Variants in KLHL18 observed in about 807,000 individuals in gnomAD.
KLHL18 encodes the protein kelch-like protein 18.
KLHL18 carries 38 observed loss-of-function variants against 58.5 expected under a neutral mutation model. The ratio of observed to expected loss-of-function variants is 0.65; its 90% CI spans 0.50 to 0.85. The LOEUF (loss-of-function observed/expected upper bound fraction) is 0.85. KLHL18 is among the 40% of genes least tolerant of loss of function. The pLI is 0.00. For synonymous variants in KLHL18, 303 were observed against 301.9 expected, an observed-to-expected ratio of 1.00 and a Z score of -0.04; for missense variants, 624 against 778.4, an observed-to-expected ratio of 0.80 and a Z score of 2.36.
chr3:47,333,227 T>G lies in KLHL18; in HGVS notation c.671T>G (p.Leu224Arg). 2 of 1,614,182 alleles carry G rather than the reference T, an allele frequency of 1.2e-6. No homozygotes were observed. Among genetic ancestry groups the G allele is most frequent in the Non-Finnish European group, 1.7e-6 (2 of 1,180,024 alleles). Residue 224 changes from leucine (L) to arginine (R), a missense_variant, in exon 5 of 10, where the codon CTG becomes CGG. Transcript: ENST00000232766. ...EQRGPYLPEL[L>R]SNIRLPLCRP... ...AGGGGTCCCTACCTGCCTGAGCTGC[T>G]GTCCAATATCCGCCTGCCCCTCTGT...
At position 47,282,979 on chromosome 3, in the gene KLHL18, G is replaced by A. The variant is rs1234374618; in HGVS notation, c.14G>A (p.Gly5Asp). The change falls in exon 1 of 10, where the codon GGC (glycine) becomes GAC (aspartate). Residue 5 changes from glycine (G) to aspartate (D), a missense_variant. Coordinates refer to ENST00000232766, the MANE Select transcript of KLHL18 (RefSeq NM_025010.5). ...CGGCCGGGGAAGATGGTGGAGGACG[G>A]CGCGGAGGAGCTGGAGGATCTGGTG... MVED[G>D]AEELEDLVHF... 6.2e-7 allele frequency: 1 copy of A among 1,610,740 alleles called. No homozygotes were observed. Among genetic ancestry groups the A allele is most frequent in the Non-Finnish European group, 8.5e-7 (1 of 1,178,832 alleles).
chr3:47,336,908 G>A, intron 7 of KLHL18, 151 bp downstream of exon 7: 1 of 646,354 alleles, frequency 1.5e-6, no homozygotes, highest in Admixed American at 2.7e-5. Context: ...TACCTCCTGG[G>A]AGCGAGCCCC....
intron 1 of KLHL18, among the ~76,000 whole-genome samples, chr3:47,302,094 C>T (rs189056758): frequency 6.6e-6 from 1 of 152,294 alleles, no homozygotes; most frequent in East Asian, 1.9e-4. Context: ...AACCTTTGTG[C>T]TCAGCTTATT....
At chr3:47,284,906 C>A (rs905774695) in intron 1 of KLHL18, among the ~76,000 whole-genome samples, 1 of 151,884 alleles carries the variant, frequency 6.6e-6, no homozygotes, top group Non-Finnish European at 1.5e-5. Flanking sequence ...GCAACCTCCA[C>A]CTCCTGGCTT....
chr3:47,303,732 C>T (rs1203065884), intron 1 of KLHL18, among the ~76,000 whole-genome samples: 1 of 151,950 alleles, frequency 6.6e-6, no homozygotes, highest in Non-Finnish European at 1.5e-5. Flanking sequence ...AATTTCATTC[C>T]CTTTTTAAAT....
At chr3:47,340,454 C>A in intron 7 of KLHL18, 118 bp from the exon 8 acceptor site, 1 of 1,479,522 alleles carries the variant, frequency 6.8e-7, no homozygotes, top group South Asian at 1.2e-5. Context: ...TACTTAGTCA[C>A]ATACCTTAGA....
Position 47,330,096 on chromosome 3 carries a change from G to C in KLHL18, c.547G>C (p.Asp183His). Residue 183 changes from aspartate (D) to histidine (H), a missense_variant, in exon 4 of 10, where the codon GAC becomes CAC. Coordinates refer to ENST00000232766, the MANE Select transcript of KLHL18 (RefSeq NM_025010.5). ...AGAGTTCCTGGCCCTGCCCTTGGAA[G>C]ACGTGCTTGAGCTGGTGTCTCGGGA... is the stretch of plus-strand genomic sequence containing the variant. ...SEEFLALPLE[D>H]VLELVSRDEL... 1 of 1,614,166 alleles carries C rather than the reference G, an allele frequency of 6.2e-7. No homozygotes were observed. The highest frequency in any genetic ancestry group is 8.5e-7 in the Non-Finnish European group (1 of 1,180,036).
chr3:47,295,412 T>C (rs1702874912), intron 1 of KLHL18, among the ~76,000 whole-genome samples: 1 of 152,180 alleles, frequency 6.6e-6, no homozygotes, highest in Admixed American at 6.5e-5. Flanking sequence ...GTGTTCCCCC[T>C]CCTCTGGGCC....
intron 1 of KLHL18, among the ~76,000 whole-genome samples, chr3:47,312,729 G>A (rs1703330853): frequency 6.6e-6 from 1 of 152,080 alleles, no homozygotes; most frequent in Admixed American, 6.5e-5. Flanking sequence ...CGCCCCCTGA[G>A]AGGCTAGGTT....
chr3:47,343,425 A>C, intron 9 of KLHL18, 130 bp from the exon 10 acceptor site: 2 of 1,051,310 alleles, frequency 1.9e-6, no homozygotes, highest in Non-Finnish European at 2.8e-6. Context: ...GAATACTGGG[A>C]GAGCTCCTTG....
At chr3:47,306,478 C>T (rs1312718295) in intron 1 of KLHL18, among the ~76,000 whole-genome samples, 1 of 152,112 alleles carries the variant, frequency 6.6e-6, no homozygotes, top group Non-Finnish European at 1.5e-5. Context: ...TTCATTTTCA[C>T]TGATGAATAA....
In KLHL18 at chr3:47,343,972, T is replaced by A. The variant is rs373168624; in HGVS notation, c.*31T>A. 6.2e-7 allele frequency: 1 copy of A among 1,607,862 alleles called. No individual in the cohort carries two copies. The highest frequency in any genetic ancestry group is 8.5e-7 in the Non-Finnish European group (1 of 1,179,478). On this transcript the variant is annotated 3_prime_UTR_variant, in exon 10 of 10. Transcript: ENST00000232766. ...AGGATGGGATGTGGTGGGGCAGGGATCTGGTACAGACATAGGCGCTTCCTT... is the reference window on the plus strand; with the variant it reads ...AGGATGGGATGTGGTGGGGCAGGGAACTGGTACAGACATAGGCGCTTCCTT...
intron 7 of KLHL18, among the ~76,000 whole-genome samples, chr3:47,340,172 G>T (rs1704077242): frequency 6.6e-6 from 1 of 152,184 alleles, no homozygotes. Flanking sequence ...AGATCTGATG[G>T]ATGAATGAAT....
chr3:47,294,881 C>T (rs1008239785), intron 1 of KLHL18, among the ~76,000 whole-genome samples: 1 of 152,020 alleles, frequency 6.6e-6, no homozygotes, highest in South Asian at 2.1e-4. Flanking sequence ...TGATAATGGC[C>T]GGAGCCAGAA....
chr3:47,315,768 TC>T (rs1703406471), intron 1 of KLHL18, among the ~76,000 whole-genome samples: 1 of 147,462 alleles, frequency 6.8e-6, no homozygotes. Context: ...AGAAAATATC[TC>T]AGGAAACAGT....
chr3:47,321,168 G>A (rs981849390), intron 2 of KLHL18, among the ~76,000 whole-genome samples: 1 of 151,862 alleles, frequency 6.6e-6, no homozygotes, highest in Admixed American at 6.6e-5. Context: ...CTTTTTTTTG[G>A]GGGGAGTGGA....
chr3:47,288,796 A>G (rs1410952888), intron 1 of KLHL18, among the ~76,000 whole-genome samples: 1 of 152,146 alleles, frequency 6.6e-6, no homozygotes, highest in Non-Finnish European at 1.5e-5. Flanking sequence ...TTTATCTTAA[A>G]AGTTATGAGG....
intron 4 of KLHL18, among the ~76,000 whole-genome samples, 200 bp from the exon 5 acceptor site, chr3:47,332,957 A>G (rs1703898780): frequency 6.6e-6 from 1 of 152,192 alleles, no homozygotes; most frequent in Admixed American, 6.5e-5. Flanking sequence ...AGGAAATCAT[A>G]ATCATAATGA....
intron 1 of KLHL18, among the ~76,000 whole-genome samples, chr3:47,316,599 ATATGTATATG>A (rs1703441328): frequency 8.1e-6 from 1 of 122,848 alleles, no homozygotes; most frequent in Non-Finnish European, 1.6e-5. Context: ...ATATACGTAT[ATATGTATATG>A]TGTGTATATA....
Sources: gnomAD v4.1 joint callset for allele counts (sites outside exome capture counted in the v4.1 genomes callset) on GRCh38, gnomAD v4.1.1 for gene constraint, MANE v1.5 for transcripts, NCBI Gene and HGNC (gene_info 2026-07-23, HGNC 2026-07-21) for gene names.